Variants in ERCC3 observed in about 807,000 individuals in gnomAD.
ERCC3 encodes the protein general transcription and DNA repair factor IIH helicase/translocase subunit XPB.
A neutral mutation model predicts 94.2 loss-of-function variants in ERCC3; 66 were observed. The ratio of observed to expected loss-of-function variants is 0.70; its 90% CI spans 0.57 to 0.86. The LOEUF is 0.86. Among genes scored for constraint, ERCC3 ranks in the 40% least tolerant of loss-of-function variants. ERCC3 has a pLI of 0.00. For synonymous variants in ERCC3, 349 were observed against 369.1 expected (o/e 0.95, Z 0.63); for missense variants, 829 against 987.1 (o/e 0.84, Z 2.15).
rs34376552 is a variant in ERCC3 at position 127,274,015 on chromosome 2, TA to T, written c.1731-1055del. Among the ~76,000 whole-genome samples, 454 of 141,444 alleles carry T rather than the reference TA, an allele frequency of 3.2e-3. No homozygotes were observed. Among genetic ancestry groups the T allele is most frequent in the Middle Eastern group, 7.2e-3 (2 of 276 alleles). The allele number at this position is 141,444 out of a possible 152,430, so 92.8% of individuals were successfully genotyped here. On this transcript the variant is annotated intron_variant, in intron 10 of 14. Transcript: ENST00000285398. This position sits in a 1 kb window ranked among gnomAD's most constrained non-coding sequence, Gnocchi z 4.0. Reference sequence around the variant, plus strand: ...CCAGGCATTGAGCTGAGTATTACATTAAAAAAAAAAAAATCCAGCCAGGCGC... The same window carrying T: ...CCAGGCATTGAGCTGAGTATTACATTAAAAAAAAAAAATCCAGCCAGGCGC...
intron 7 of ERCC3, among the ~76,000 whole-genome samples, chr2:127,287,561 T>C (rs1328950578): frequency 6.6e-6 from 1 of 152,048 alleles, no homozygotes; most frequent in Non-Finnish European, 1.5e-5. Context: ...TTGAACCCAG[T>C]AGGCGGAGGT....
chr2:127,269,815 G>C (rs1684493897), intron 12 of ERCC3, among the ~76,000 whole-genome samples: 1 of 151,796 alleles, frequency 6.6e-6, no homozygotes, highest in Non-Finnish European at 1.5e-5. Flanking sequence ...TGGATCACTA[G>C]AGACGAGCCT....
Position 127,264,996 on chromosome 2 carries a change from C to T in ERCC3, c.1946-3650G>A, listed in dbSNP as rs1032258382. On this transcript the variant is annotated intron_variant, in intron 12 of 14. Coordinates refer to ENST00000285398, the MANE Select transcript of ERCC3 (RefSeq NM_000122.2). This position sits in a 1 kb window ranked among gnomAD's most constrained non-coding sequence, Gnocchi z 4.4. Reference sequence around the variant, plus strand: ...CCACGTGGATGGAATTACAGGCACACGCCACCAAGCCCACCTAGTTTTGTA... The same window carrying T: ...CCACGTGGATGGAATTACAGGCACATGCCACCAAGCCCACCTAGTTTTGTA... 1.3e-5 allele frequency among the ~76,000 whole-genome samples: 2 copies of T among 151,932 alleles called. No homozygotes were observed. The highest frequency in any genetic ancestry group is 2.4e-5 in the African/African-American group (1 of 41,346).
In ERCC3 at chr2:127,288,531, CAG is replaced by C. The variant is rs1036089598; in HGVS notation, c.1027+127_1027+128del. 4.6e-5 allele frequency: 39 copies of C among 845,746 alleles called. No homozygotes were observed. The African/African-American group carries it at 6.5e-4, about 14-fold the overall frequency. The allele number at this position is 845,746 out of a possible 1,614,324, so 52.4% of individuals were successfully genotyped here. A position where few individuals can be genotyped will look rare whatever the true frequency, so the allele number is the denominator to read the frequency against. ...CTCAAATATTTGTCAAGTCATGAAT[CAG>C]GGAGTCACCTGATCTTGGCTTTTCA... On this transcript the variant is annotated intron_variant, in intron 7 of 14. Coordinates refer to ENST00000285398, the MANE Select transcript of ERCC3 (RefSeq NM_000122.2).
Position 127,259,573 on chromosome 2 carries a change from C to G in ERCC3, c.2065-125G>C. 1 of 1,214,978 alleles carries G rather than the reference C, an allele frequency of 8.2e-7. No individual in the cohort carries two copies. The highest frequency in any genetic ancestry group is 1.2e-6 in the Non-Finnish European group (1 of 828,456). The allele number at this position is 1,214,978 out of a possible 1,614,324, so 75.3% of individuals were successfully genotyped here. A position where few individuals can be genotyped will look rare whatever the true frequency, so the allele number is the denominator to read the frequency against. On this transcript the variant is annotated intron_variant, in intron 13 of 14. Coordinates refer to ENST00000285398, the MANE Select transcript of ERCC3 (RefSeq NM_000122.2). The surrounding 1 kb of genome is among the most constrained non-coding windows in gnomAD (Gnocchi z 4.9). ...CAGGCCCAGCCACCCTGGTGGCCAA[C>G]AATGGAGAGCTCCTCCCTAGCATTC...
chr2:127,287,754 A>G (rs1207783207), intron 7 of ERCC3, among the ~76,000 whole-genome samples: 1 of 152,232 alleles, frequency 6.6e-6, no homozygotes, highest in Non-Finnish European at 1.5e-5. Context: ...GGCACTCGGC[A>G]AAAGACCACT....
At position 127,259,492 on chromosome 2, in the gene ERCC3, T is replaced by C. The variant is rs560108764; in HGVS notation, c.2065-44A>G. The C allele has an allele frequency of 4.3e-5, 69 of 1,612,114 alleles. 1 individual carries two copies. In the South Asian group the frequency reaches 6.5e-4, roughly 15 times the overall value. On this transcript the variant is annotated intron_variant, in intron 13 of 14. Coordinates refer to ENST00000285398, the MANE Select transcript of ERCC3 (RefSeq NM_000122.2). This position sits in a 1 kb window ranked among gnomAD's most constrained non-coding sequence, Gnocchi z 4.9. ...CAGACATGCCCCTTTCTGCTCTCTC[T>C]CCCCAGCCCTCCTCTGCCTTCTCCT...
chr2:127,272,708 C>G (rs1449961248), intron 11 of ERCC3, among the ~76,000 whole-genome samples, 157 bp downstream of exon 11: 2 of 152,100 alleles, frequency 1.3e-5, no homozygotes, highest in Non-Finnish European at 2.9e-5. Flanking sequence ...TTCCACTAAC[C>G]CCAGGCAGTG....
At position 127,272,846 on chromosome 2, in the gene ERCC3, C is replaced by G; in HGVS notation, c.1827+19G>C. The G allele has an allele frequency of 6.4e-7, 1 of 1,552,918 alleles. No individual in the cohort carries two copies. The highest frequency in any genetic ancestry group is 8.9e-7 in the Non-Finnish European group (1 of 1,124,344). ...CAGAGTGCTAGGGGCCTCACCTCCA[C>G]CCCATATGCCACACAAACCTTGGAT... is the stretch of plus-strand genomic sequence containing the variant. On this transcript the variant is annotated intron_variant, in intron 11 of 14. Transcript: ENST00000285398.
chr2:127,290,377 T>TC, intron 3 of ERCC3, 104 bp from the exon 4 acceptor site: 2 of 1,008,380 alleles, frequency 2.0e-6, no homozygotes, highest in Non-Finnish European at 3.2e-6. Flanking sequence ...AAGTTCATTT[T>TC]ACTTTAGGGA....
intron 6 of ERCC3, 59 bp downstream of exon 6, chr2:127,289,278 T>G: frequency 6.7e-7 from 1 of 1,500,260 alleles, no homozygotes; most frequent in South Asian, 1.1e-5. Flanking sequence ...GACACATGGC[T>G]GGACTAGCTT....
At position 127,257,611 on chromosome 2, in the gene ERCC3, C is replaced by T. The variant is rs147499527; in HGVS notation, c.2334G>A (p.Lys778=). 8.1e-5 allele frequency: 131 copies of T among 1,614,034 alleles called. No individual in the cohort carries two copies. In the African/African-American group the frequency reaches 1.6e-3, roughly 19 times the overall value. The part of the protein sequence containing the change: ...APSKHVHPLF[K]RFRK ...TGCCTAAGCATCATTTCCTAAAGCG[C>T]TTGAAGAGCGGGTGTACATGTTTGC... The change falls in exon 15 of 15, where the codon AAG becomes AAA. Residue 778 remains lysine, a synonymous_variant. Coordinates refer to ENST00000285398, the MANE Select transcript of ERCC3 (RefSeq NM_000122.2). The surrounding 1 kb of genome is among the most constrained non-coding windows in gnomAD (Gnocchi z 5.4).
Position 127,279,420 on chromosome 2 carries a change from C to A in ERCC3, c.1528-45G>T. The A allele has an allele frequency of 2.1e-6, 3 of 1,435,480 alleles. No homozygotes were observed. The highest frequency in any genetic ancestry group is 1.1e-5 in the South Asian group (1 of 87,580). 88.9% of individuals were successfully genotyped at this position (1,435,480 alleles called of 1,614,324 possible). On this transcript the variant is annotated intron_variant, in intron 9 of 14. Coordinates refer to ENST00000285398, the MANE Select transcript of ERCC3 (RefSeq NM_000122.2). The surrounding 1 kb of genome is among the most constrained non-coding windows in gnomAD (Gnocchi z 4.7). ...AGGGGTCATTTTACAAGTTTAAACA[C>A]CACACAATTTAAAACTTTTGAAGAC...
At chr2:127,281,822 A>G (rs1366182304) in intron 8 of ERCC3, among the ~76,000 whole-genome samples, 1 of 152,106 alleles carries the variant, frequency 6.6e-6, no homozygotes, top group African/African-American at 2.4e-5. Flanking sequence ...GGTTATGTCT[A>G]AGGAAAGACT....
rs1684854597 is a variant in ERCC3, at chr2:127,279,947, G to T, written c.1527+500C>A. Among the ~76,000 whole-genome samples, 3 of 152,198 alleles carry T rather than the reference G, an allele frequency of 2.0e-5. No individual in the cohort carries two copies. In the South Asian group the frequency reaches 6.2e-4, roughly 31 times the overall value. On this transcript the variant is annotated intron_variant, in intron 9 of 14. Transcript: ENST00000285398. This position sits in a 1 kb window ranked among gnomAD's most constrained non-coding sequence, Gnocchi z 4.7. ...CACCAGCTGCAAGTGTGCGAAACCA[G>T]ATTCTCAATTGGTAGTGTCAGCAAT...
chr2:127,283,797 G>A (rs1283801562), intron 8 of ERCC3, among the ~76,000 whole-genome samples: 1 of 152,208 alleles, frequency 6.6e-6, no homozygotes, highest in African/African-American at 2.4e-5. Flanking sequence ...TAAATCTGCA[G>A]TTCCCTGATG....
rs1684667044 is a variant in ERCC3, at chr2:127,274,377, G to A, written c.1731-1416C>T. 6.6e-6 allele frequency among the ~76,000 whole-genome samples: 1 copy of A among 152,058 alleles called. No homozygotes were observed. On this transcript the variant is annotated intron_variant, in intron 10 of 14. Transcript: ENST00000285398. This position sits in a 1 kb window ranked among gnomAD's most constrained non-coding sequence, Gnocchi z 4.0. ...CAGCCAGCCCTGCCAAGATTCCTCA[G>A]CATTGTAAAAGACAGGTTTCATGTT...
At chr2:127,273,516 G>A (rs751247822) in intron 10 of ERCC3, among the ~76,000 whole-genome samples, 3 of 151,730 alleles carry the variant, frequency 2.0e-5, no homozygotes, top group East Asian at 2.0e-4. Flanking sequence ...TTGGGATGCC[G>A]AGGCGGGTGG....
chr2:127,281,354 C>T (rs1684905486), intron 8 of ERCC3, among the ~76,000 whole-genome samples: 2 of 152,242 alleles, frequency 1.3e-5, no homozygotes, highest in Admixed American at 6.5e-5. Context: ...CCTCTCCAAA[C>T]TTTACCAATT....
Sources: gnomAD v4.1 joint callset for allele counts (sites outside exome capture counted in the v4.1 genomes callset) on GRCh38, gnomAD v4.1.1 for gene constraint, Gnocchi (gnomAD v3.1) non-coding constraint, MANE v1.5 for transcripts, NCBI Gene and HGNC (gene_info 2026-07-23, HGNC 2026-07-21) for gene names.